The following FOXN3 variants were observed in gnomAD, a reference collection of about 807,000 sequenced individuals.
FOXN3 encodes forkhead box N3, also known as forkhead box protein N3.
FOXN3 carries 7 observed loss-of-function variants against 38.4 expected under a neutral mutation model. That is an observed-to-expected ratio of 0.18 (90% CI 0.10 to 0.34). The LOEUF is 0.34. Ranked by LOEUF, FOXN3 falls within the 10% of genes least tolerant of loss-of-function variation. FOXN3 has a pLI of 1.00. For missense variants in FOXN3, 456 were observed against 613.4 expected (o/e 0.74, Z 2.71); for synonymous variants, 230 against 242.2 (o/e 0.95, Z 0.47).
At chr14:89,463,171 C>G (rs1455646071) in intron 1 of FOXN3, among the ~76,000 whole-genome samples, 2 of 151,672 alleles carry the variant, frequency 1.3e-5, no homozygotes, top group Non-Finnish European at 1.5e-5. Flanking sequence ...CGCCTGTAGT[C>G]CCAGCTACTC....
intron 4 of FOXN3, among the ~76,000 whole-genome samples, chr14:89,233,774 C>T (rs563991526): frequency 5.9e-5 from 9 of 152,290 alleles, no homozygotes; most frequent in Admixed American, 3.3e-4. Flanking sequence ...AGAGTGACCT[C>T]GGGTAGGTCC....
At chr14:89,612,438 T>A (rs981913241) in intron 1 of FOXN3, among the ~76,000 whole-genome samples, 2 of 152,178 alleles carry the variant, frequency 1.3e-5, no homozygotes, top group African/African-American at 4.8e-5. Flanking sequence ...AGAGTCACTG[T>A]TTTATTTTAA....
At chr14:89,251,892 C>T (rs1426284412) in intron 4 of FOXN3, among the ~76,000 whole-genome samples, 1 of 152,198 alleles carries the variant, frequency 6.6e-6, no homozygotes, top group Non-Finnish European at 1.5e-5. Flanking sequence ...ACAAATGACA[C>T]AAACATGCTC....
At chr14:89,594,221 T>C (rs1255999191) in intron 1 of FOXN3, among the ~76,000 whole-genome samples, 1 of 152,250 alleles carries the variant, frequency 6.6e-6, no homozygotes, top group African/African-American at 2.4e-5. Flanking sequence ...ATTGTGCCTG[T>C]ACATCAGGAT....
chr14:89,263,215 T>C (rs1885864226), intron 4 of FOXN3, among the ~76,000 whole-genome samples: 2 of 152,246 alleles, frequency 1.3e-5, no homozygotes, highest in African/African-American at 4.8e-5. Context: ...TTAAAGCTTA[T>C]ATAATTTACC....
intron 1 of FOXN3, among the ~76,000 whole-genome samples, chr14:89,516,079 A>G (rs1024771720): frequency 3.9e-5 from 6 of 152,194 alleles, no homozygotes; most frequent in Non-Finnish European, 7.3e-5. Context: ...TTAAAGAATA[A>G]TAGTTTGTTT....
chr14:89,559,038 GT>G (rs548200498), intron 1 of FOXN3, among the ~76,000 whole-genome samples: 24 of 149,756 alleles, frequency 1.6e-4, no homozygotes, highest in Non-Finnish European at 1.5e-4. Flanking sequence ...GAATGTTTTT[GT>G]TTTTTTTTTA....
chr14:89,391,061 T>G (rs1053052440), intron 2 of FOXN3, among the ~76,000 whole-genome samples: 10 of 152,134 alleles, frequency 6.6e-5, no homozygotes, highest in Non-Finnish European at 1.0e-4. Context: ...TACAGAAAAC[T>G]GTCTTTCCTT....
chr14:89,589,302 A>C (rs1474196064), intron 1 of FOXN3, among the ~76,000 whole-genome samples: 1 of 152,220 alleles, frequency 6.6e-6, no homozygotes, highest in Non-Finnish European at 1.5e-5. Context: ...AAAGCATTTC[A>C]GATTTACCTA....
chr14:89,253,391 G>A (rs1351446913), intron 4 of FOXN3, among the ~76,000 whole-genome samples: 1 of 152,194 alleles, frequency 6.6e-6, no homozygotes, highest in Admixed American at 6.5e-5. Flanking sequence ...GTGGAGATTC[G>A]GTTCCAGTTT....
At chr14:89,411,562 T>C (rs1162107149) in intron 2 of FOXN3, among the ~76,000 whole-genome samples, 1 of 152,212 alleles carries the variant, frequency 6.6e-6, no homozygotes, top group African/African-American at 2.4e-5. Context: ...GCAGTGTATA[T>C]ACACACACAT....
At chr14:89,365,289 T>C (rs1483188553) in intron 2 of FOXN3, among the ~76,000 whole-genome samples, 1 of 152,122 alleles carries the variant, frequency 6.6e-6, no homozygotes, top group Non-Finnish European at 1.5e-5. Flanking sequence ...GGGTTGAAAA[T>C]AGTTATTTTT....
chr14:89,214,452 T>G (rs909503253), intron 4 of FOXN3, among the ~76,000 whole-genome samples: 1 of 152,190 alleles, frequency 6.6e-6, no homozygotes, highest in Non-Finnish European at 1.5e-5. Flanking sequence ...CCCGACAACT[T>G]AACAGCAAAC....
At chr14:89,603,254 T>C (rs894556939) in intron 1 of FOXN3, among the ~76,000 whole-genome samples, 47 of 152,202 alleles carry the variant, frequency 3.1e-4, no homozygotes, top group African/African-American at 9.9e-4. Context: ...GGGTTGAAAA[T>C]GACAGAGTCC....
intron 1 of FOXN3, chr14:89,577,428 C>T (rs1399378814): frequency 1.3e-5 from 2 of 151,966 alleles, no homozygotes; most frequent in African/African-American, 4.8e-5. Flanking sequence ...GACCAGTAGA[C>T]GAATCAGGAA....
chr14:89,199,454 C>T (rs992171823), intron 4 of FOXN3, among the ~76,000 whole-genome samples: 1 of 152,198 alleles, frequency 6.6e-6, no homozygotes, highest in Non-Finnish European at 1.5e-5. Flanking sequence ...TCAAAGAGCA[C>T]CCCAAACTCT....
chr14:89,579,967 A>G (rs1895712779), intron 1 of FOXN3, among the ~76,000 whole-genome samples: 1 of 150,128 alleles, frequency 6.7e-6, no homozygotes, highest in Admixed American at 6.8e-5. Context: ...ATTTTCTCTA[A>G]CTTTATGAGA....
chr14:89,336,460 C>T (rs900576462), intron 3 of FOXN3, among the ~76,000 whole-genome samples: 7 of 152,262 alleles, frequency 4.6e-5, no homozygotes, highest in East Asian at 3.9e-4. Flanking sequence ...CAAAGCTCAT[C>T]GAAGAATGTT....
intron 4 of FOXN3, among the ~76,000 whole-genome samples, chr14:89,217,026 A>T (rs1022423028): frequency 6.6e-6 from 1 of 152,104 alleles, no homozygotes; most frequent in African/African-American, 2.4e-5. Context: ...TAACTCTTTA[A>T]TTTCTCTTTT....
Sources: allele counts gnomAD v4.1 joint callset (sites outside exome capture counted in the v4.1 genomes callset), GRCh38; gene constraint gnomAD v4.1.1; transcripts MANE v1.5; gene names NCBI Gene and HGNC (gene_info 2026-07-23, HGNC 2026-07-21).